The following FBXO36 variants were observed in gnomAD, a reference collection of about 807,000 sequenced individuals.
FBXO36 encodes the protein F-box protein 36, also known as F-box only protein 36.
In FBXO36, 18 loss-of-function variants were observed where a neutral mutation model predicts 17.0. The observed-to-expected ratio is 1.06, with a 90% CI of 0.73 to 1.57. The LOEUF (loss-of-function observed/expected upper bound fraction) is 1.57. Ranked by LOEUF, FBXO36 falls within the 40% of genes most tolerant of loss-of-function variation. The pLI, the probability that FBXO36 is intolerant of heterozygous loss-of-function variation, is 0.00. For missense variants in FBXO36, 229 were observed against 221.9 expected (o/e 1.03, Z -0.20); for synonymous variants, 83 against 85.3 (o/e 0.97, Z 0.15).
chr2:229,968,436 C>A (rs1289509868), intron 1 of FBXO36, among the ~76,000 whole-genome samples: 1 of 152,030 alleles, frequency 6.6e-6, no homozygotes, highest in Non-Finnish European at 1.5e-5. Context: ...AGACACAAAA[C>A]TTATATATCT....
intron 2 of FBXO36, among the ~76,000 whole-genome samples, chr2:229,979,211 C>G (rs1235740480): frequency 6.6e-6 from 1 of 150,718 alleles, no homozygotes; most frequent in East Asian, 1.9e-4. Flanking sequence ...TAATAGTATG[C>G]AATAGGCCAG....
intron 1 of FBXO36, among the ~76,000 whole-genome samples, chr2:229,941,885 G>A (rs370615913): frequency 8.6e-5 from 13 of 151,862 alleles, no homozygotes; most frequent in East Asian, 3.9e-4. Context: ...GTGTGGTGGC[G>A]CATGCCTATA....
intron 3 of FBXO36, among the ~76,000 whole-genome samples, chr2:229,998,792 A>G (rs2077341201): frequency 6.6e-6 from 1 of 151,782 alleles, no homozygotes. Flanking sequence ...CCTGTCTCAA[A>G]AAACATAATT....
chr2:229,934,399 T>A (rs970678496), intron 1 of FBXO36, among the ~76,000 whole-genome samples: 1 of 152,118 alleles, frequency 6.6e-6, no homozygotes. Context: ...AGACTCTGTC[T>A]CAAAATATAA....
At chr2:229,930,379 G>A (rs1182315127) in intron 1 of FBXO36, among the ~76,000 whole-genome samples, 6 of 152,122 alleles carry the variant, frequency 3.9e-5, no homozygotes, top group Non-Finnish European at 7.4e-5. Flanking sequence ...TCTGTTGTTT[G>A]TGTTGATTTA....
chr2:229,954,200 A>G (rs1018035037), intron 1 of FBXO36, among the ~76,000 whole-genome samples: 2 of 147,848 alleles, frequency 1.4e-5, no homozygotes, highest in Admixed American at 6.9e-5. Flanking sequence ...CAATAGGTAA[A>G]TGAATGATGC....
At chr2:229,981,029 T>C (rs1245298838) in intron 2 of FBXO36, among the ~76,000 whole-genome samples, 1 of 151,870 alleles carries the variant, frequency 6.6e-6, no homozygotes, top group Non-Finnish European at 1.5e-5. Flanking sequence ...AGGAGGAGGG[T>C]TCATGGTAGC....
At chr2:229,995,153 A>G in intron 2 of FBXO36, among the ~76,000 whole-genome samples, 1 of 152,318 alleles carries the variant, frequency 6.6e-6, no homozygotes, top group Non-Finnish European at 1.5e-5. Context: ...ATATTTAAAA[A>G]AATTACACTG....
intron 1 of FBXO36, among the ~76,000 whole-genome samples, chr2:229,956,843 T>C (rs75679107): frequency 0.012 from 1,836 of 152,246 alleles, 51 homozygotes; most frequent in African/African-American, 0.042. Context: ...CCAAACCTCA[T>C]GAGGTGGGGT....
intron 1 of FBXO36, among the ~76,000 whole-genome samples, chr2:229,941,012 A>G (rs891997804): frequency 6.6e-6 from 1 of 152,090 alleles, no homozygotes. Flanking sequence ...CACCTGAGAT[A>G]AATCACCATC....
rs1024300266 is a variant in FBXO36, at chr2:230,012,875, A to G, written c.*1991A>G. 20 of 151,698 alleles carry G rather than the reference A, an allele frequency of 1.3e-4. No individual in the cohort carries two copies. The highest frequency in any genetic ancestry group is 4.6e-4 in the African/African-American group (19 of 41,408). The allele number at this position is 151,698 out of a possible 1,614,324, so 9.4% of individuals were successfully genotyped here. ...AGCTTATGGACATGCGCAATAGTTG[A>G]TTCAGCTTCAATCAATAAGAACATA... On this transcript the variant is annotated 3_prime_UTR_variant, in exon 4 of 4. Transcript: ENST00000283946.
chr2:229,948,895 A>G (rs1389427816), intron 1 of FBXO36, among the ~76,000 whole-genome samples: 4 of 152,138 alleles, frequency 2.6e-5, no homozygotes, highest in African/African-American at 7.2e-5. Context: ...GCGCAGTGGC[A>G]TGATCTCAGC....
intron 1 of FBXO36, among the ~76,000 whole-genome samples, chr2:229,961,004 A>G (rs536189479): frequency 3.2e-4 from 49 of 152,062 alleles, no homozygotes; most frequent in African/African-American, 1.2e-3. Flanking sequence ...GCTATTCAGG[A>G]GGCTGAGACA....
rs1039098259 is a variant in FBXO36, at chr2:229,965,518, TC to T, written c.97-10717del. Among the ~76,000 whole-genome samples, 3 of 118,472 alleles carry T rather than the reference TC, an allele frequency of 2.5e-5. No individual in the cohort carries two copies. The Admixed American group carries it at 2.8e-4, about 11-fold the overall frequency. 77.7% of individuals were successfully genotyped at this position (118,472 alleles called of 152,430 possible). A position where few individuals can be genotyped will look rare whatever the true frequency, so the allele number is the denominator to read the frequency against. ...TAGGTATATCTCCTAATGCTATCCCTCCCCCCTCCCCCAACCCCACAACAGG... is the reference window on the plus strand; with the variant it reads ...TAGGTATATCTCCTAATGCTATCCCTCCCCCTCCCCCAACCCCACAACAGG... On this transcript the variant is annotated intron_variant, in intron 1 of 3. Transcript: ENST00000283946.
chr2:229,947,507 G>A (rs1042330713), intron 1 of FBXO36, among the ~76,000 whole-genome samples: 1 of 152,192 alleles, frequency 6.6e-6, no homozygotes, highest in African/African-American at 2.4e-5. Context: ...CCATGGGGAA[G>A]AAAAAGGGAT....
intron 1 of FBXO36, among the ~76,000 whole-genome samples, chr2:229,960,991 C>T (rs2077117790): frequency 6.6e-6 from 1 of 151,948 alleles, no homozygotes; most frequent in South Asian, 2.1e-4. Context: ...CACCATAATC[C>T]CAGCTATTCA....
chr2:229,968,473 G>T (rs67252272), intron 1 of FBXO36, among the ~76,000 whole-genome samples: 34,572 of 151,874 alleles, frequency 0.23, 4,947 homozygotes, highest in Middle Eastern at 0.37. Context: ...TGAAATTTTT[G>T]TTTTGTTTTG....
intron 2 of FBXO36, among the ~76,000 whole-genome samples, chr2:229,984,394 T>A (rs1274182696): frequency 6.6e-6 from 1 of 151,592 alleles, no homozygotes; most frequent in Admixed American, 6.6e-5. Flanking sequence ...AGGTTTTATT[T>A]TTTTTTTATT....
intron 1 of FBXO36, among the ~76,000 whole-genome samples, 166 bp downstream of exon 1, chr2:229,922,775 G>A (rs1020993043): frequency 2.0e-5 from 3 of 152,164 alleles, no homozygotes; most frequent in African/African-American, 7.2e-5. Flanking sequence ...TCCTCGGTCC[G>A]ACGGCCCGCG....
Sources: allele counts gnomAD v4.1 joint callset (sites outside exome capture counted in the v4.1 genomes callset), GRCh38; gene constraint gnomAD v4.1.1; transcripts MANE v1.5; gene names NCBI Gene and HGNC (gene_info 2026-07-23, HGNC 2026-07-21).